Variants in ARL15 observed in about 807,000 individuals in gnomAD.
The protein encoded by ARL15 is ARF like GTPase 15, also known as ADP-ribosylation factor-like protein 15.
Under a neutral mutation model 25.2 loss-of-function variants are expected in ARL15, and 19 were observed. The observed-to-expected ratio is 0.75, with a 90% CI of 0.53 to 1.10. The LOEUF is 1.10. Among genes scored for constraint, ARL15 ranks in the 50% least tolerant of loss-of-function variants. ARL15 has a pLI of 0.00. For synonymous variants in ARL15, 94 were observed against 86.8 expected, an observed-to-expected ratio of 1.08 and a Z score of -0.46; for missense variants, 220 against 246.0, an observed-to-expected ratio of 0.89 and a Z score of 0.71.
At chr5:54,042,795 C>T (rs1485143709) in intron 4 of ARL15, among the ~76,000 whole-genome samples, 3 of 152,176 alleles carry the variant, frequency 2.0e-5, no homozygotes, top group South Asian at 2.1e-4. Flanking sequence ...GAGAGTGCCT[C>T]GGGTGTCACC....
chr5:54,285,894 G>A (rs35930), intron 1 of ARL15, among the ~76,000 whole-genome samples: 42,163 of 151,978 alleles, frequency 0.28, 7,072 homozygotes, highest in African/African-American at 0.48. Flanking sequence ...ACATGGGAAC[G>A]CTAAAGTGCC....
At chr5:54,193,861 T>C (rs1755475493) in intron 1 of ARL15, among the ~76,000 whole-genome samples, 2 of 152,068 alleles carry the variant, frequency 1.3e-5, no homozygotes, top group Admixed American at 1.3e-4. Context: ...CAGATCTAGG[T>C]TTATAAAATT....
chr5:54,141,939 G>A (rs368054926), intron 3 of ARL15, among the ~76,000 whole-genome samples: 1 of 152,102 alleles, frequency 6.6e-6, no homozygotes, highest in Non-Finnish European at 1.5e-5. Context: ...CTATTATACA[G>A]ATGTACTACA....
intron 3 of ARL15, among the ~76,000 whole-genome samples, chr5:54,139,879 C>G (rs191783660): frequency 2.1e-4 from 32 of 152,222 alleles, no homozygotes; most frequent in Admixed American, 6.5e-4. Context: ...TAAGTATGTT[C>G]AGAGATACAC....
At chr5:53,923,162 G>A (rs1745909396) in intron 4 of ARL15, among the ~76,000 whole-genome samples, 1 of 152,146 alleles carries the variant, frequency 6.6e-6, no homozygotes, top group Admixed American at 6.6e-5. Flanking sequence ...CACGATTCGG[G>A]CTCTGGTCTT....
chr5:53,918,377 G>A (rs555800098), intron 4 of ARL15, among the ~76,000 whole-genome samples: 7 of 151,056 alleles, frequency 4.6e-5, no homozygotes, highest in East Asian at 1.9e-4. Context: ...TAGTAGAGAT[G>A]GGGGGGGATC....
At chr5:54,123,041 G>A (rs1753132851) in intron 3 of ARL15, among the ~76,000 whole-genome samples, 1 of 151,776 alleles carries the variant, frequency 6.6e-6, no homozygotes, top group Non-Finnish European at 1.5e-5. Flanking sequence ...CCATCGATTC[G>A]AGGACAAGAA....
At chr5:54,126,044 G>C (rs1753242561) in intron 3 of ARL15, among the ~76,000 whole-genome samples, 1 of 152,030 alleles carries the variant, frequency 6.6e-6, no homozygotes, top group Non-Finnish European at 1.5e-5. Flanking sequence ...TTTTAAAAAA[G>C]AAAAAGGCAC....
intron 3 of ARL15, among the ~76,000 whole-genome samples, chr5:54,139,783 G>T (rs1753717246): frequency 6.6e-6 from 1 of 152,118 alleles, no homozygotes; most frequent in Non-Finnish European, 1.5e-5. Context: ...AGTGAGCTGA[G>T]ATCGTCCCAC....
chr5:54,275,675 T>C (rs1191373219), intron 1 of ARL15, among the ~76,000 whole-genome samples: 1 of 149,712 alleles, frequency 6.7e-6, no homozygotes, highest in Non-Finnish European at 1.5e-5. Flanking sequence ...AATTTTATAT[T>C]ATTATTATTT....
chr5:53,978,136 A>G (rs1003235791), intron 4 of ARL15, among the ~76,000 whole-genome samples: 2 of 152,240 alleles, frequency 1.3e-5, no homozygotes, highest in African/African-American at 4.8e-5. Flanking sequence ...CCTAGGGAAG[A>G]ATCGAATCCT....
At chr5:54,060,919 T>A (rs183748648) in intron 4 of ARL15, among the ~76,000 whole-genome samples, 1 of 152,308 alleles carries the variant, frequency 6.6e-6, no homozygotes, top group East Asian at 1.9e-4. Context: ...AGCATAAAAG[T>A]TTGAAAAATT....
chr5:53,972,917 T>C (rs1316008492), intron 4 of ARL15, among the ~76,000 whole-genome samples: 1 of 152,182 alleles, frequency 6.6e-6, no homozygotes, highest in Non-Finnish European at 1.5e-5. Flanking sequence ...TAGCAGAGTT[T>C]CCTTATTTTC....
chr5:53,980,662 A>T (rs1748090019), intron 4 of ARL15, among the ~76,000 whole-genome samples: 1 of 152,244 alleles, frequency 6.6e-6, no homozygotes, highest in Non-Finnish European at 1.5e-5. Flanking sequence ...ACTGTGAGTT[A>T]TTCAAAAAAC....
chr5:53,963,614 C>T (rs1006409080), intron 4 of ARL15, among the ~76,000 whole-genome samples: 1 of 152,128 alleles, frequency 6.6e-6, no homozygotes, highest in Non-Finnish European at 1.5e-5. Context: ...TCAAGACCAG[C>T]CTGGCCAACA....
chr5:54,140,472 A>G (rs531037082), intron 3 of ARL15, among the ~76,000 whole-genome samples: 2 of 152,210 alleles, frequency 1.3e-5, no homozygotes, highest in African/African-American at 4.8e-5. Context: ...AGATAGAGAT[A>G]GAGATAGAGA....
At chr5:53,974,961 C>A (rs1468513365) in intron 4 of ARL15, among the ~76,000 whole-genome samples, 1 of 152,072 alleles carries the variant, frequency 6.6e-6, no homozygotes, top group African/African-American at 2.4e-5. Context: ...TATAAAAAGT[C>A]TTCTGGTTAT....
At chr5:54,176,562 C>G (rs992241464) in intron 1 of ARL15, among the ~76,000 whole-genome samples, 2 of 152,110 alleles carry the variant, frequency 1.3e-5, no homozygotes, top group African/African-American at 4.8e-5. Flanking sequence ...AGAGTAAGCC[C>G]CTTTCACTGT....
At chr5:53,980,762 T>A (rs1183162626) in intron 4 of ARL15, among the ~76,000 whole-genome samples, 1 of 152,112 alleles carries the variant, frequency 6.6e-6, no homozygotes, top group Non-Finnish European at 1.5e-5. Flanking sequence ...ATCTCAAATG[T>A]TTAAGGAAAA....
Sources: allele counts gnomAD v4.1 joint callset (sites outside exome capture counted in the v4.1 genomes callset), GRCh38; gene constraint gnomAD v4.1.1; transcripts MANE v1.5; gene names NCBI Gene and HGNC (gene_info 2026-07-23, HGNC 2026-07-21).